Variants in RASGEF1C observed in about 807,000 individuals in gnomAD.
The protein encoded by RASGEF1C is ras-GEF domain-containing family member 1C.
A neutral mutation model predicts 58.1 loss-of-function variants in RASGEF1C; 27 were observed. That is an observed-to-expected ratio of 0.46 (90% confidence interval 0.34 to 0.64). The LOEUF (loss-of-function observed/expected upper bound fraction) is 0.64. Ranked by LOEUF, RASGEF1C falls within the 30% of genes least tolerant of loss-of-function variation. RASGEF1C has a pLI of 0.01. For synonymous variants in RASGEF1C, 243 were observed against 246.3 expected (o/e 0.99, Z 0.13); for missense variants, 502 against 605.1 (o/e 0.83, Z 1.79).
chr5:180,184,520 T>C (rs1459364465), intron 1 of RASGEF1C, among the ~76,000 whole-genome samples: 1 of 152,094 alleles, frequency 6.6e-6, no homozygotes, highest in Non-Finnish European at 1.5e-5. Flanking sequence ...GAGGTTGCAG[T>C]GAGACGGGAT....
At chr5:180,173,449 A>G (rs1767145535) in intron 1 of RASGEF1C, among the ~76,000 whole-genome samples, 1 of 152,226 alleles carries the variant, frequency 6.6e-6, no homozygotes, top group Admixed American at 6.5e-5. Context: ...CACTGACTAC[A>G]GCTGTCTAAG....
chr5:180,107,118 C>A (rs773130410), intron 12 of RASGEF1C, among the ~76,000 whole-genome samples: 4 of 152,028 alleles, frequency 2.6e-5, no homozygotes, highest in Non-Finnish European at 4.4e-5. Context: ...CATGCTATAT[C>A]TTTTCTTCTT....
chr5:180,121,183 G>C, intron 6 of RASGEF1C, 34 bp from the exon 7 acceptor site: 2 of 1,442,850 alleles, frequency 1.4e-6, no homozygotes, highest in Non-Finnish European at 2.0e-6. Context: ...ACCACGTTCT[G>C]AGCCTTTTTG....
chr5:180,107,614 AT>A (rs935222474), intron 12 of RASGEF1C, among the ~76,000 whole-genome samples: 1 of 151,446 alleles, frequency 6.6e-6, no homozygotes, highest in African/African-American at 2.4e-5. Context: ...TTTTTTAATT[AT>A]TTTTTTTCTT....
chr5:180,157,671 G>T (rs933967177), intron 1 of RASGEF1C, among the ~76,000 whole-genome samples: 11 of 150,646 alleles, frequency 7.3e-5, no homozygotes, highest in African/African-American at 2.7e-4. Context: ...GCCATGAAAA[G>T]ACGTGGAGAA....
intron 1 of RASGEF1C, among the ~76,000 whole-genome samples, chr5:180,180,928 C>T (rs1414976446): frequency 1.3e-5 from 2 of 152,202 alleles, no homozygotes; most frequent in Non-Finnish European, 2.9e-5. Flanking sequence ...CAAGAGGGAT[C>T]GCCGCATACA....
At chr5:180,145,290 A>G (rs774582616) in intron 1 of RASGEF1C, among the ~76,000 whole-genome samples, 38 of 151,860 alleles carry the variant, frequency 2.5e-4, no homozygotes, top group Non-Finnish European at 4.7e-4. Flanking sequence ...TGTCCGGCTA[A>G]TTTTTGTTTT....
At chr5:180,145,875 A>G (rs1766654689) in intron 1 of RASGEF1C, among the ~76,000 whole-genome samples, 1 of 152,008 alleles carries the variant, frequency 6.6e-6, no homozygotes, top group Admixed American at 6.5e-5. Flanking sequence ...TCTTTTACCC[A>G]TTTTTGAATT....
chr5:180,134,640 T>G (rs1766434156), intron 4 of RASGEF1C, among the ~76,000 whole-genome samples: 1 of 150,628 alleles, frequency 6.6e-6, no homozygotes, highest in Non-Finnish European at 1.5e-5. Flanking sequence ...CCTCTCCCCT[T>G]CCTTCCTTCT....
chr5:180,182,033 C>T (rs1332947750), intron 1 of RASGEF1C, among the ~76,000 whole-genome samples: 1 of 151,448 alleles, frequency 6.6e-6, no homozygotes, highest in East Asian at 1.9e-4. Context: ...GAAACCCCGT[C>T]TCTACTAAAA....
chr5:180,103,758 T>C (rs1367864678), intron 12 of RASGEF1C, among the ~76,000 whole-genome samples: 2 of 152,228 alleles, frequency 1.3e-5, no homozygotes, highest in Admixed American at 6.5e-5. Context: ...TTGTTATTGG[T>C]CTTACGAGGA....
intron 1 of RASGEF1C, among the ~76,000 whole-genome samples, chr5:180,204,618 C>CTATA (rs1756457952): frequency 1.8e-5 from 1 of 54,368 alleles, no homozygotes; most frequent in Non-Finnish European, 5.4e-5. Flanking sequence ...GGATATTCCT[C>CTATA]TATCTATCTA....
In RASGEF1C at chr5:180,168,520, G is replaced by T. The variant is rs1767054358; in HGVS notation, c.-6-30462C>A. ...TCTTTATGGTATCTTCCAGTTTCCTGGGGCTCTGCATTTCCGTCGTCGAGC... is the reference window on the plus strand; with the variant it reads ...TCTTTATGGTATCTTCCAGTTTCCTTGGGCTCTGCATTTCCGTCGTCGAGC... On this transcript the variant is annotated intron_variant, in intron 1 of 13. Coordinates refer to ENST00000361132, the MANE Select transcript of RASGEF1C (RefSeq NM_175062.4). This position sits in a 1 kb window ranked among gnomAD's most constrained non-coding sequence, Gnocchi z 6.0. Among the ~76,000 whole-genome samples the T allele has an allele frequency of 1.3e-5, 2 of 152,170 alleles. No homozygotes were observed. Among genetic ancestry groups the T allele is most frequent in the Non-Finnish European group, 2.9e-5 (2 of 68,032 alleles).
chr5:180,166,752 A>G (rs978591997), intron 1 of RASGEF1C, among the ~76,000 whole-genome samples: 62 of 151,836 alleles, frequency 4.1e-4, no homozygotes, highest in Non-Finnish European at 7.9e-4. Context: ...CTCACCTCAG[A>G]TGATCCACCC....
intron 1 of RASGEF1C, among the ~76,000 whole-genome samples, chr5:180,199,292 G>A (rs532947911): frequency 2.0e-5 from 3 of 152,268 alleles, no homozygotes; most frequent in Non-Finnish European, 2.9e-5. Context: ...CTACAGGAAC[G>A]ACAAAAAGCA....
At chr5:180,128,672 A>G (rs988948153) in intron 4 of RASGEF1C, 62 bp from the exon 5 acceptor site, 2 of 1,526,244 alleles carry the variant, frequency 1.3e-6, no homozygotes, top group African/African-American at 2.7e-5. Flanking sequence ...CTAACACTGG[A>G]ACCAGGCAGC....
In RASGEF1C at chr5:180,198,554, C is replaced by T. The variant is rs1374394767; in HGVS notation, c.-7+10474G>A. ...TTGCTCTCTGCTCCACAGAGGGTGC[C>T]TCCCTCCTGCATCTTCACATGGGGG... On this transcript the variant is annotated intron_variant, in intron 1 of 13. Transcript: ENST00000361132. The surrounding 1 kb of genome is among the most constrained non-coding windows in gnomAD (Gnocchi z 4.5). Among the ~76,000 whole-genome samples, 1 of 152,206 alleles carries T rather than the reference C, an allele frequency of 6.6e-6. No homozygotes were observed. The highest frequency in any genetic ancestry group is 1.5e-5 in the Non-Finnish European group (1 of 68,038).
chr5:180,202,931 T>C (rs2127564557), intron 1 of RASGEF1C, among the ~76,000 whole-genome samples: 1 of 152,212 alleles, frequency 6.6e-6, no homozygotes, highest in African/African-American at 2.4e-5. Flanking sequence ...CTCGATCTCC[T>C]GACCTCGTGA....
chr5:180,124,129 G>A (rs1015530114), intron 6 of RASGEF1C, among the ~76,000 whole-genome samples: 2 of 152,102 alleles, frequency 1.3e-5, no homozygotes, highest in Non-Finnish European at 2.9e-5. Flanking sequence ...ATACTCGGGA[G>A]GCTGAGGCAG....
Sources: gnomAD v4.1 joint callset for allele counts (sites outside exome capture counted in the v4.1 genomes callset) on GRCh38, gnomAD v4.1.1 for gene constraint, Gnocchi (gnomAD v3.1) non-coding constraint, MANE v1.5 for transcripts, NCBI Gene and HGNC (gene_info 2026-07-23, HGNC 2026-07-21) for gene names.